The following MEF2A variants were observed in gnomAD, a reference collection of about 807,000 sequenced individuals.
MEF2A encodes myocyte enhancer factor 2A, also known as myocyte-specific enhancer factor 2A.
In MEF2A, 28 loss-of-function variants were observed where a neutral mutation model predicts 55.8. The observed-to-expected ratio is 0.50, with a 90% CI of 0.37 to 0.69. The LOEUF (loss-of-function observed/expected upper bound fraction) is 0.69, where lower values mean the gene tolerates loss of function less well. MEF2A is among the 30% of genes least tolerant of loss of function. The pLI is 0.00. For synonymous variants in MEF2A, 239 were observed against 227.1 expected, an observed-to-expected ratio of 1.05 and a Z score of -0.47; for missense variants, 528 against 626.2, an observed-to-expected ratio of 0.84 and a Z score of 1.67.
At chr15:99,571,070 G>A (rs989891587) in intron 1 of MEF2A, among the ~76,000 whole-genome samples, 2 of 151,602 alleles carry the variant, frequency 1.3e-5, no homozygotes, top group African/African-American at 2.4e-5. Flanking sequence ...CTGTTATCCC[G>A]CCACTCTGGA....
At chr15:99,610,679 T>C (rs1976922548) in intron 2 of MEF2A, among the ~76,000 whole-genome samples, 1 of 152,058 alleles carries the variant, frequency 6.6e-6, no homozygotes, top group South Asian at 2.1e-4. Flanking sequence ...TAATTATTAT[T>C]TTTTTTCACA....
chr15:99,588,225 T>G (rs1968023256), intron 1 of MEF2A, among the ~76,000 whole-genome samples: 1 of 152,146 alleles, frequency 6.6e-6, no homozygotes, highest in African/African-American at 2.4e-5. Context: ...CAAGCAATCC[T>G]CCTGCCTCAG....
chr15:99,667,766 AAC>A (rs2050081758), intron 4 of MEF2A, among the ~76,000 whole-genome samples: 1 of 152,138 alleles, frequency 6.6e-6, no homozygotes, highest in African/African-American at 2.4e-5. Flanking sequence ...CACATCTACA[AAC>A]ACAAATTATT....
chr15:99,615,290 G>A (rs1466949862), intron 2 of MEF2A, among the ~76,000 whole-genome samples: 2 of 152,158 alleles, frequency 1.3e-5, no homozygotes, highest in African/African-American at 4.8e-5. Context: ...GATAAGCTGA[G>A]TTTCTGGTAT....
At chr15:99,628,390 C>G (rs1346447970) in intron 2 of MEF2A, among the ~76,000 whole-genome samples, 1 of 152,034 alleles carries the variant, frequency 6.6e-6, no homozygotes, top group Non-Finnish European at 1.5e-5. Flanking sequence ...AAATCCACTT[C>G]TATTATCTTC....
Position 99,645,620 on chromosome 15 carries a change from C to T in MEF2A, c.114C>T (p.Leu38=), listed in dbSNP as rs191032083. The change falls in exon 4 of 12, where the codon CTC becomes CTT. Residue 38 remains leucine, a synonymous_variant. Coordinates refer to ENST00000557942, the MANE Select transcript of MEF2A (RefSeq NM_001319206.4). ...AGAAAGCCTATGAACTTAGTGTGCT[C>T]TGTGACTGTGAAATAGCACTCATCA... is the stretch of plus-strand genomic sequence containing the variant. ...LMKKAYELSV[L]CDCEIALIIF... is the part of the protein sequence containing the mutation. 3.1e-6 allele frequency: 5 copies of T among 1,613,736 alleles called. No individual in the cohort carries two copies. The African/African-American group carries it at 4.0e-5, about 13-fold the overall frequency.
intron 3 of MEF2A, among the ~76,000 whole-genome samples, 197 bp downstream of exon 3, chr15:99,633,370 A>G (rs2043233351): frequency 6.6e-6 from 1 of 152,062 alleles, no homozygotes; most frequent in Non-Finnish European, 1.5e-5. Flanking sequence ...TATTATAGAT[A>G]TATGTCACCA....
At chr15:99,706,182 G>T (rs1381989746) in intron 9 of MEF2A, among the ~76,000 whole-genome samples, 1 of 152,210 alleles carries the variant, frequency 6.6e-6, no homozygotes, top group Non-Finnish European at 1.5e-5. Context: ...AGGGATACAT[G>T]TCCGAATCTG....
upstream of MEF2A, chr15:99,565,434 GTCA>G (rs1959159710): frequency 6.7e-6 from 1 of 149,134 alleles, no homozygotes; most frequent in African/African-American, 2.4e-5. Flanking sequence ...CACGCGCCGC[GTCA>G]CCGGGCCGCT....
chr15:99,631,726 AATTAATAGGTT>A (rs1324871843), intron 2 of MEF2A, among the ~76,000 whole-genome samples: 1 of 152,090 alleles, frequency 6.6e-6, no homozygotes, highest in Non-Finnish European at 1.5e-5. Context: ...GTAGGTGAAC[AATTAATAGGTT>A]ATCAGTTAAT....
intron 3 of MEF2A, among the ~76,000 whole-genome samples, chr15:99,642,135 T>G (rs987692407): frequency 2.0e-5 from 3 of 152,190 alleles, no homozygotes; most frequent in African/African-American, 7.2e-5. Context: ...ACGTTCTAGG[T>G]ATAGGCCCTA....
intron 1 of MEF2A, among the ~76,000 whole-genome samples, chr15:99,591,690 G>T (rs561198998): frequency 6.6e-6 from 1 of 151,396 alleles, no homozygotes; most frequent in African/African-American, 2.4e-5. Context: ...TTCATAATCT[G>T]TTTTTGTTTT....
At chr15:99,581,998 A>G (rs979802012) in intron 1 of MEF2A, among the ~76,000 whole-genome samples, 5 of 152,100 alleles carry the variant, frequency 3.3e-5, no homozygotes, top group African/African-American at 1.2e-4. Context: ...AGAGATGGTA[A>G]AGTGGGAAAG....
chr15:99,708,883 G>A (rs535465643), intron 10 of MEF2A, among the ~76,000 whole-genome samples: 2 of 152,296 alleles, frequency 1.3e-5, no homozygotes, highest in South Asian at 2.1e-4. Flanking sequence ...CGGGCGGGAC[G>A]GGGCTGAAGG....
intron 4 of MEF2A, among the ~76,000 whole-genome samples, chr15:99,655,413 G>A (rs757909816): frequency 1.7e-4 from 26 of 152,240 alleles, no homozygotes; most frequent in South Asian, 8.3e-4. Flanking sequence ...GTAAGGAAGA[G>A]ACAAATTGAA....
intron 2 of MEF2A, among the ~76,000 whole-genome samples, chr15:99,631,730 A>C (rs1028489476): frequency 1.1e-4 from 17 of 152,048 alleles, no homozygotes; most frequent in African/African-American, 3.9e-4. Flanking sequence ...GTGAACAATT[A>C]ATAGGTTATC....
chr15:99,570,398 G>GAAACAAAGCA (rs1567131030), intron 1 of MEF2A, among the ~76,000 whole-genome samples: 16 of 152,268 alleles, frequency 1.1e-4, no homozygotes, highest in Non-Finnish European at 2.1e-4. Flanking sequence ...AACATAAAAA[G>GAAACAAAGCA]GAAACAAAGC....
intron 2 of MEF2A, among the ~76,000 whole-genome samples, chr15:99,617,276 G>GT (rs398038481): frequency 1.3e-4 from 3 of 22,706 alleles, no homozygotes; most frequent in Non-Finnish European, 1.1e-3. Context: ...TTTTTTTTTT[G>GT]TATGGTCTGT....
chr15:99,672,794 T>G (rs1219365968), intron 5 of MEF2A, among the ~76,000 whole-genome samples: 1 of 152,238 alleles, frequency 6.6e-6, no homozygotes, highest in Non-Finnish European at 1.5e-5. Context: ...CCTTACATAC[T>G]CATGGACTGA....
Sources: gnomAD v4.1 joint callset for allele counts (sites outside exome capture counted in the v4.1 genomes callset) on GRCh38, gnomAD v4.1.1 for gene constraint, MANE v1.5 for transcripts, NCBI Gene and HGNC (gene_info 2026-07-23, HGNC 2026-07-21) for gene names.